The following TSBP1 variants were observed in gnomAD, a reference collection of about 807,000 sequenced individuals.
TSBP1 encodes testis-expressed basic protein 1.
A neutral mutation model predicts 68.8 loss-of-function variants in TSBP1; 56 were observed. The observed-to-expected ratio is 0.81, with a 90% CI of 0.66 to 1.02. The LOEUF is 1.02. TSBP1 is among the 50% of genes least tolerant of loss of function. The pLI is 0.00. For synonymous variants in TSBP1, 171 were observed against 208.7 expected, an observed-to-expected ratio of 0.82 and a Z score of 1.56; for missense variants, 502 against 641.2, an observed-to-expected ratio of 0.78 and a Z score of 2.34.
At position 32,335,293 on chromosome 6, in the gene TSBP1, C is replaced by A. The variant is rs1010661470; in HGVS notation, c.472+144G>T. The A allele has an allele frequency of 1.8e-5, 11 of 614,362 alleles. No homozygotes were observed. In the African/African-American group the frequency reaches 2.0e-4, roughly 11 times the overall value. The allele number at this position is 614,362 out of a possible 1,614,324, so 38.1% of individuals were successfully genotyped here. A position where few individuals can be genotyped will look rare whatever the true frequency, so the allele number is the denominator to read the frequency against. ...TTTTTATTGCAGAACCTGGATGAGT[C>A]CAATCTGGAGTACTGGGTGAGATTA... On this transcript the variant is annotated intron_variant, in intron 14 of 22. Transcript: ENST00000612031. This position sits in a 1 kb window ranked among gnomAD's most constrained non-coding sequence, Gnocchi z 5.5.
intron 9 of TSBP1, among the ~76,000 whole-genome samples, chr6:32,346,320 A>C (rs1770991691): frequency 6.6e-6 from 1 of 152,032 alleles, no homozygotes; most frequent in Non-Finnish European, 1.5e-5. Flanking sequence ...CGGCCGTCAT[A>C]TCCTCATTTA....
chr6:32,352,619 A>G (rs1771849600), intron 8 of TSBP1, among the ~76,000 whole-genome samples: 1 of 151,978 alleles, frequency 6.6e-6, no homozygotes, highest in Non-Finnish European at 1.5e-5. Flanking sequence ...GGAAACAGAA[A>G]ATTTTACATT....
chr6:32,339,690 G>A lies in TSBP1; in HGVS notation c.350-52C>T. The A allele has an allele frequency of 3.7e-6, 3 of 803,502 alleles. No homozygotes were observed. In the South Asian group the frequency reaches 4.9e-5, roughly 13 times the overall value. 49.8% of individuals were successfully genotyped at this position (803,502 alleles called of 1,614,324 possible). ...ATTATTTAGATTTAGACTTTCAGAA[G>A]GCATGGAGATAGACAATCCCATTCC... On this transcript the variant is annotated intron_variant, in intron 9 of 22. Transcript: ENST00000612031.
intron 1 of TSBP1, 90 bp from the exon 2 acceptor site, chr6:32,370,073 T>TA: frequency 4.0e-6 from 3 of 750,772 alleles, no homozygotes. Context: ...ATCCACCAGA[T>TA]AGACTTTTTT....
At chr6:32,326,086 G>A in intron 16 of TSBP1, 1 of 1,384,206 alleles carries the variant, frequency 7.2e-7, no homozygotes, top group South Asian at 1.2e-5. Flanking sequence ...CCTCTATGGT[G>A]GTGGAGGCCA....
At chr6:32,301,553 A>AAC (rs1765288575) in intron 20 of TSBP1, among the ~76,000 whole-genome samples, 1 of 93,964 alleles carries the variant, frequency 1.1e-5, no homozygotes, top group Non-Finnish European at 2.5e-5. Flanking sequence ...CCATCTCTGC[A>AAC]AAAAAAAAAA....
rs1391523863 is a variant in TSBP1 at position 32,343,195 on chromosome 6, G to A, written c.350-3557C>T. The stretch of plus-strand genomic sequence containing the variant: ...GGGAGAAGTCCTCTGCCTAGCATAG[G>A]AGCCCAACAACACCAGAGTTTGAAA... On this transcript the variant is annotated intron_variant, in intron 9 of 22. Coordinates refer to ENST00000612031, the Ensembl canonical transcript of TSBP1. This position sits in a 1 kb window ranked among gnomAD's most constrained non-coding sequence, Gnocchi z 4.3. The A allele has an allele frequency of 2.4e-6, 3 of 1,267,776 alleles. No individual in the cohort carries two copies. The highest frequency in any genetic ancestry group is 3.1e-6 in the Non-Finnish European group (3 of 971,312). 78.5% of individuals were successfully genotyped at this position (1,267,776 alleles called of 1,614,324 possible).
chr6:32,318,660 G>T (rs1767242214), intron 18 of TSBP1, among the ~76,000 whole-genome samples: 1 of 152,142 alleles, frequency 6.6e-6, no homozygotes, highest in African/African-American at 2.4e-5. Flanking sequence ...ACCTCCTATT[G>T]TTTGATTCCA....
intron 6 of TSBP1, among the ~76,000 whole-genome samples, chr6:32,358,971 GGTTA>G (rs1562181162): frequency 6.7e-6 from 1 of 149,306 alleles, no homozygotes; most frequent in Non-Finnish European, 1.5e-5. Flanking sequence ...ACAATGTGCA[GGTTA>G]GTTACATATG....
chr6:32,341,370 T>C (rs1770328128), intron 9 of TSBP1, among the ~76,000 whole-genome samples: 1 of 152,134 alleles, frequency 6.6e-6, no homozygotes, highest in Non-Finnish European at 1.5e-5. Context: ...ATTATCTCTG[T>C]GGGGATCGAT....
rs995142598 is a variant in TSBP1 at position 32,343,976 on chromosome 6, A to G, written c.350-4338T>C. Reference sequence around the variant, plus strand: ...AGCTACCATAGAATGAACCCTCACTATATTCAGTGGAGAAAGTCTGGGCAT... The same window carrying G: ...AGCTACCATAGAATGAACCCTCACTGTATTCAGTGGAGAAAGTCTGGGCAT... On this transcript the variant is annotated intron_variant, in intron 9 of 22. Coordinates refer to ENST00000612031, the Ensembl canonical transcript of TSBP1. The surrounding 1 kb of genome is among the most constrained non-coding windows in gnomAD (Gnocchi z 4.3). Among the ~76,000 whole-genome samples, 4 of 150,634 alleles carry G rather than the reference A, an allele frequency of 2.7e-5. No individual in the cohort carries two copies. The highest frequency in any genetic ancestry group is 1.0e-4 in the African/African-American group (4 of 40,040).
At chr6:32,347,198 C>G (rs921696339) in intron 9 of TSBP1, among the ~76,000 whole-genome samples, 2 of 148,752 alleles carry the variant, frequency 1.3e-5, no homozygotes, top group Non-Finnish European at 3.0e-5. Context: ...GGGTCTCACT[C>G]TGTCACCCAG....
chr6:32,368,774 G>A lies in TSBP1; in HGVS notation c.133+8C>T. 6.3e-7 allele frequency: 1 copy of A among 1,576,374 alleles called. No homozygotes were observed. Among genetic ancestry groups the A allele is most frequent in the Non-Finnish European group, 8.7e-7 (1 of 1,153,912 alleles). On this transcript the variant is annotated splice_region_variant and intron_variant, in intron 3 of 22. Coordinates refer to ENST00000612031, the Ensembl canonical transcript of TSBP1. ...ATATTTATTTTTCTCATGAGTATAA[G>A]TACTTACTTTGTTCTGAACTGTATC... is the stretch of plus-strand genomic sequence containing the variant.
rs150154344 is a variant in TSBP1 at position 32,314,928 on chromosome 6, C to T, written c.580+844G>A. Among the ~76,000 whole-genome samples the T allele has an allele frequency of 6.7e-3, 1,016 of 152,260 alleles. 17 individuals carry two copies. Among genetic ancestry groups the T allele is most frequent in the East Asian group, 0.019 (101 of 5,180 alleles). On this transcript the variant is annotated intron_variant, in intron 19 of 22. Transcript: ENST00000612031. This position sits in a 1 kb window ranked among gnomAD's most constrained non-coding sequence, Gnocchi z 4.2. ...GCTACCTTCTTCAGACTATGCGTGT[C>T]CTCCCAGTTTAACACAGTTCCCAGG...
Position 32,345,061 on chromosome 6 carries a change from G to A in TSBP1, c.349+4679C>T, listed in dbSNP as rs560118276. Among the ~76,000 whole-genome samples, 5 of 151,916 alleles carry A rather than the reference G, an allele frequency of 3.3e-5. No individual in the cohort carries two copies. The South Asian group carries it at 1.0e-3, about 32-fold the overall frequency. ...TGTAGAGACAGAGCCTCACTATGTT[G>A]TCCAGGCTGGTCTTGAGTTCCTGGC... On this transcript the variant is annotated intron_variant, in intron 9 of 22. Transcript: ENST00000612031.
chr6:32,328,803 G>A (rs573116878), intron 16 of TSBP1, among the ~76,000 whole-genome samples: 3 of 151,380 alleles, frequency 2.0e-5, no homozygotes, highest in South Asian at 2.1e-4. Context: ...CACCTGCCTC[G>A]GGCTCCCAAA....
Position 32,321,552 on chromosome 6 carries a change from A to G in TSBP1, c.559+1565T>C, listed in dbSNP as rs1767638000. ...TTTGCAGCCTCATCTCTGGGTCGGAACCATTGTCTCTGTATTTTTATCTGT... is the reference window on the plus strand; with the variant it reads ...TTTGCAGCCTCATCTCTGGGTCGGAGCCATTGTCTCTGTATTTTTATCTGT... On this transcript the variant is annotated intron_variant, in intron 18 of 22. Transcript: ENST00000612031. The surrounding 1 kb of genome is among the most constrained non-coding windows in gnomAD (Gnocchi z 4.3). 6.6e-6 allele frequency among the ~76,000 whole-genome samples: 1 copy of G among 152,078 alleles called. No individual in the cohort carries two copies. The highest frequency in any genetic ancestry group is 1.5e-5 in the Non-Finnish European group (1 of 68,026).
intron 22 of TSBP1, among the ~76,000 whole-genome samples, chr6:32,295,351 A>ACACACACACACACACACAC (rs773829841): frequency 1.1e-5 from 1 of 92,176 alleles, no homozygotes; most frequent in Admixed American, 9.3e-5. Flanking sequence ...CACACACACA[A>ACACACACACACACACACAC]AAAAAAAAAA....
At position 32,304,669 on chromosome 6, in the gene TSBP1, T is replaced by C. The variant is rs114240090; in HGVS notation, c.581-2040A>G. Among the ~76,000 whole-genome samples the C allele has an allele frequency of 0.039, 5,990 of 152,242 alleles. 335 individuals are homozygous for C. Among genetic ancestry groups the C allele is most frequent in the African/African-American group, 0.12 (5,134 of 41,524 alleles). ...GTTACTAATTTATGTTCTCTCTTCA[T>C]CGTCTTTTTTGTCTTTTCATGTTTT... On this transcript the variant is annotated intron_variant, in intron 19 of 22. Coordinates refer to ENST00000612031, the Ensembl canonical transcript of TSBP1. This position sits in a 1 kb window ranked among gnomAD's most constrained non-coding sequence, Gnocchi z 4.8.
Sources: allele counts gnomAD v4.1 joint callset (sites outside exome capture counted in the v4.1 genomes callset), GRCh38; gene constraint gnomAD v4.1.1; non-coding constraint Gnocchi (gnomAD v3.1); transcripts MANE v1.5; gene names NCBI Gene and HGNC (gene_info 2026-07-23, HGNC 2026-07-21).